HS2ST1: variants seen among roughly 807,000 people sequenced by gnomAD.
HS2ST1 encodes heparan sulfate 2-O-sulfotransferase 1.
Under a neutral mutation model 42.9 loss-of-function variants are expected in HS2ST1, and 18 were observed. The observed-to-expected ratio is 0.42, with a 90% CI of 0.29 to 0.62. The LOEUF (loss-of-function observed/expected upper bound fraction) is 0.62, where lower values mean the gene tolerates loss of function less well. Ranked by LOEUF, HS2ST1 falls within the 20% of genes least tolerant of loss-of-function variation. HS2ST1 has a pLI of 0.21. For missense variants in HS2ST1, 334 were observed against 433.8 expected (o/e 0.77, Z 2.04); for synonymous variants, 146 against 152.9 (o/e 0.95, Z 0.33).
intron 1 of HS2ST1, among the ~76,000 whole-genome samples, chr1:87,025,716 A>G (rs773872937): frequency 5.3e-5 from 8 of 152,202 alleles, no homozygotes; most frequent in Non-Finnish European, 7.3e-5. Context: ...AGAATTCCAC[A>G]TAATTTGCTT....
At chr1:87,035,935 C>G (rs1429977018) in intron 1 of HS2ST1, among the ~76,000 whole-genome samples, 1 of 151,936 alleles carries the variant, frequency 6.6e-6, no homozygotes, top group African/African-American at 2.4e-5. Flanking sequence ...AACCCATCAT[C>G]TACAATAGGT....
At chr1:86,976,395 T>C (rs549383438) in intron 1 of HS2ST1, among the ~76,000 whole-genome samples, 3 of 152,260 alleles carry the variant, frequency 2.0e-5, no homozygotes, top group African/African-American at 7.2e-5. Flanking sequence ...ACTGTTCTGT[T>C]GGAAAGCTTA....
chr1:86,921,504 G>T (rs141206284), intron 1 of HS2ST1, among the ~76,000 whole-genome samples: 1 of 152,120 alleles, frequency 6.6e-6, no homozygotes, highest in African/African-American at 2.4e-5. Flanking sequence ...CGATGCAACA[G>T]TATTGGGGCG....
At chr1:86,950,884 A>G (rs1647494122) in intron 1 of HS2ST1, among the ~76,000 whole-genome samples, 1 of 152,166 alleles carries the variant, frequency 6.6e-6, no homozygotes, top group African/African-American at 2.4e-5. Flanking sequence ...TGCTTAGCAG[A>G]CAGTTCCAGG....
At chr1:87,035,226 T>G (rs182450785) in intron 1 of HS2ST1, among the ~76,000 whole-genome samples, 2 of 152,346 alleles carry the variant, frequency 1.3e-5, no homozygotes, top group East Asian at 3.9e-4. Context: ...AATAAATTTG[T>G]TTTCCTATCA....
intron 2 of HS2ST1, among the ~76,000 whole-genome samples, chr1:87,075,924 G>A (rs1651532172): frequency 6.6e-6 from 1 of 152,104 alleles, no homozygotes; most frequent in African/African-American, 2.4e-5. Flanking sequence ...CACAAAGGTT[G>A]TACTACATTC....
At chr1:86,927,264 C>T (rs1660441320) in intron 1 of HS2ST1, among the ~76,000 whole-genome samples, 1 of 152,050 alleles carries the variant, frequency 6.6e-6, no homozygotes, top group East Asian at 1.9e-4. Flanking sequence ...ATAGTTTGCC[C>T]TATGGTGAAT....
At chr1:87,096,639 G>A (rs1652074785) in intron 4 of HS2ST1, among the ~76,000 whole-genome samples, 1 of 152,120 alleles carries the variant, frequency 6.6e-6, no homozygotes, top group East Asian at 1.9e-4. Context: ...TACATTGTAG[G>A]ATGTTTACCA....
intron 3 of HS2ST1, among the ~76,000 whole-genome samples, chr1:87,085,336 C>A (rs1418920862): frequency 6.6e-6 from 1 of 151,750 alleles, no homozygotes; most frequent in African/African-American, 2.4e-5. Context: ...AAAGTGATAT[C>A]CCACTCTCAG....
At chr1:87,062,700 G>GT (rs1036966435) in intron 1 of HS2ST1, among the ~76,000 whole-genome samples, 2 of 151,914 alleles carry the variant, frequency 1.3e-5, no homozygotes, top group African/African-American at 2.4e-5. Flanking sequence ...TATTTATAGA[G>GT]TTTTTTTAGC....
At chr1:86,958,990 A>G (rs1276939358) in intron 1 of HS2ST1, among the ~76,000 whole-genome samples, 3 of 152,234 alleles carry the variant, frequency 2.0e-5, no homozygotes, top group African/African-American at 7.2e-5. Context: ...GAAAAATCAT[A>G]TGGTCATATC....
At chr1:87,007,621 C>T (rs945443382) in intron 1 of HS2ST1, among the ~76,000 whole-genome samples, 7 of 152,144 alleles carry the variant, frequency 4.6e-5, no homozygotes, top group African/African-American at 1.7e-4. Flanking sequence ...AAATACTTTG[C>T]ACTCCTCTGA....
chr1:86,985,936 C>A (rs569348178), intron 1 of HS2ST1, among the ~76,000 whole-genome samples: 1 of 151,922 alleles, frequency 6.6e-6, no homozygotes, highest in Non-Finnish European at 1.5e-5. Flanking sequence ...TTTGAAAAAA[C>A]ACAAATTATT....
At chr1:87,063,245 T>C (rs1487859808) in intron 1 of HS2ST1, among the ~76,000 whole-genome samples, 1 of 152,212 alleles carries the variant, frequency 6.6e-6, no homozygotes, top group African/African-American at 2.4e-5. Context: ...TAATTTCTTT[T>C]GTTTTTTCTT....
chr1:87,024,340 A>G (rs1257625373), intron 1 of HS2ST1, among the ~76,000 whole-genome samples: 1 of 152,092 alleles, frequency 6.6e-6, no homozygotes, highest in East Asian at 1.9e-4. Context: ...CGTCTCTACT[A>G]AAAATACAAA....
Position 87,086,186 on chromosome 1 carries a change from A to G in HS2ST1, c.449+1907A>G, listed in dbSNP as rs557410659. 3.5e-4 allele frequency among the ~76,000 whole-genome samples: 53 copies of G among 152,282 alleles called. No homozygotes were observed. The South Asian group carries it at 7.0e-3, about 20-fold the overall frequency. On this transcript the variant is annotated intron_variant, in intron 3 of 6. Coordinates refer to ENST00000370550, the MANE Select transcript of HS2ST1 (RefSeq NM_012262.4). ...TCGCCTTACCAATTTTTTAGATTAC[A>G]GTCGTTCCTGGGGTATGTCCAGGGT...
chr1:87,018,838 A>G (rs972092002), intron 1 of HS2ST1, among the ~76,000 whole-genome samples: 5 of 151,722 alleles, frequency 3.3e-5, no homozygotes, highest in African/African-American at 9.7e-5. Context: ...TTATTCCAGT[A>G]CTCTGTTTAG....
Position 87,108,489 on chromosome 1 carries a change from A to G in HS2ST1, c.*3793A>G, listed in dbSNP as rs1652387266. 1.3e-5 allele frequency: 2 copies of G among 152,092 alleles called. No individual in the cohort carries two copies. The highest frequency in any genetic ancestry group is 1.3e-4 in the Admixed American group (2 of 15,256). 9.4% of individuals were successfully genotyped at this position (152,092 alleles called of 1,614,324 possible). On this transcript the variant is annotated 3_prime_UTR_variant, in exon 7 of 7. Transcript: ENST00000370550. ...AGAGAAGTTGCTGTTATGTTTTTGC[A>G]TCCGTTTACCCTATGCAAAGTTGCT...
At position 87,104,860 on chromosome 1, in the gene HS2ST1, C is replaced by T. The variant is rs1570550931; in HGVS notation, c.*164C>T. 1.4e-5 allele frequency: 8 copies of T among 557,316 alleles called. No individual in the cohort carries two copies. The South Asian group carries it at 1.5e-4, about 11-fold the overall frequency. The allele number at this position is 557,316 out of a possible 1,614,324, so 34.5% of individuals were successfully genotyped here. ...CGTCAAGGAAGTAGATACTGGCTGGCATTGTCAGTGTTCTAAGTTTCAGGC... is the reference window on the plus strand; with the variant it reads ...CGTCAAGGAAGTAGATACTGGCTGGTATTGTCAGTGTTCTAAGTTTCAGGC... On this transcript the variant is annotated 3_prime_UTR_variant, in exon 7 of 7. Coordinates refer to ENST00000370550, the MANE Select transcript of HS2ST1 (RefSeq NM_012262.4).
Sources: gnomAD v4.1 joint callset for allele counts (sites outside exome capture counted in the v4.1 genomes callset) on GRCh38, gnomAD v4.1.1 for gene constraint, MANE v1.5 for transcripts, NCBI Gene and HGNC (gene_info 2026-07-23, HGNC 2026-07-21) for gene names.